TGFBR3: variants seen among roughly 807,000 people sequenced by gnomAD.
The protein encoded by TGFBR3 is transforming growth factor beta receptor 3.
Under a neutral mutation model 87.9 loss-of-function variants are expected in TGFBR3, and 46 were observed. The ratio of observed to expected loss-of-function variants is 0.52; its 90% CI spans 0.41 to 0.67. The LOEUF is 0.67. Among genes scored for constraint, TGFBR3 ranks in the 30% least tolerant of loss-of-function variants. The pLI is 0.00. For synonymous variants in TGFBR3, 381 were observed against 391.6 expected (o/e 0.97, Z 0.32); for missense variants, 866 against 1,041.9 (o/e 0.83, Z 2.32).
intron 1 of TGFBR3, among the ~76,000 whole-genome samples, chr1:91,868,213 C>T (rs1488810754): frequency 6.6e-6 from 1 of 152,168 alleles, no homozygotes; most frequent in Non-Finnish European, 1.5e-5. Context: ...CCACTGTGCT[C>T]GGCCCCACAC....
At chr1:91,729,720 G>T in intron 6 of TGFBR3, 85 bp downstream of exon 6, 1 of 1,515,776 alleles carries the variant, frequency 6.6e-7, no homozygotes. Context: ...GAGGGTGTAG[G>T]ACGGGCTACA....
At position 91,725,459 on chromosome 1, in the gene TGFBR3, T is replaced by C. The variant is rs115394694; in HGVS notation, c.885+2200A>G. ...TGCTAGGCATATATTATCTTATTTC[T>C]CTTCCAAAATATAAGGAGATAGGCA... On this transcript the variant is annotated intron_variant, in intron 7 of 16. Transcript: ENST00000212355. Among the ~76,000 whole-genome samples, 584 of 152,320 alleles carry C rather than the reference T, an allele frequency of 3.8e-3. 3 individuals are homozygous for C. The highest frequency in any genetic ancestry group is 0.013 in the African/African-American group (536 of 41,566).
chr1:91,900,678 A>C (rs1679694459), intron 1 of TGFBR3, among the ~76,000 whole-genome samples: 1 of 152,248 alleles, frequency 6.6e-6, no homozygotes, highest in Non-Finnish European at 1.5e-5. Context: ...TGCCAAAGGC[A>C]ACACTGACAG....
chr1:91,905,631 G>A (rs1394231320), intron 1 of TGFBR3, among the ~76,000 whole-genome samples: 30 of 151,688 alleles, frequency 2.0e-4, no homozygotes, highest in Admixed American at 1.8e-3. Context: ...ACGGGGTTTC[G>A]CTGATCCACC....
chr1:91,815,170 TGGGG>T (rs1676171528), intron 2 of TGFBR3, among the ~76,000 whole-genome samples: 1 of 151,984 alleles, frequency 6.6e-6, no homozygotes, highest in African/African-American at 2.4e-5. Flanking sequence ...AGCATGGTTG[TGGGG>T]GCCTGTAATC....
Position 91,886,062 on chromosome 1 carries a change from A to C in TGFBR3, c.-298T>G. ...AGGGAGCTCCGGGAATCGCGCAGGGAAAGTGGCCGGGGCGCGAGAGCCGCC... is the reference window on the plus strand; with the variant it reads ...AGGGAGCTCCGGGAATCGCGCAGGGCAAGTGGCCGGGGCGCGAGAGCCGCC... On this transcript the variant is annotated 5_prime_UTR_variant, in exon 1 of 17. Coordinates refer to ENST00000212355, the MANE Select transcript of TGFBR3 (RefSeq NM_003243.5). 1 of 453,956 alleles carries C rather than the reference A, an allele frequency of 2.2e-6. No individual in the cohort carries two copies. The highest frequency in any genetic ancestry group is 4.4e-6 in the Non-Finnish European group (1 of 226,738). 28.1% of individuals were successfully genotyped at this position (453,956 alleles called of 1,614,324 possible). A position where few individuals can be genotyped will look rare whatever the true frequency, so the allele number is the denominator to read the frequency against.
At chr1:91,684,048 T>C (rs1300967904) in intron 16 of TGFBR3, among the ~76,000 whole-genome samples, 191 bp from the exon 17 acceptor site, 1 of 152,220 alleles carries the variant, frequency 6.6e-6, no homozygotes, top group Non-Finnish European at 1.5e-5. Flanking sequence ...GTTGTTTTAT[T>C]TTTAAAGCAT....
chr1:91,785,553 C>T (rs1281918189), intron 3 of TGFBR3, among the ~76,000 whole-genome samples: 1 of 152,148 alleles, frequency 6.6e-6, no homozygotes, highest in Non-Finnish European at 1.5e-5. Context: ...AGAATTCAGT[C>T]CTGCCTAGCA....
intron 4 of TGFBR3, among the ~76,000 whole-genome samples, chr1:91,750,646 C>T (rs1673505080): frequency 6.6e-6 from 1 of 152,156 alleles, no homozygotes; most frequent in African/African-American, 2.4e-5. Flanking sequence ...GAAGAACCAC[C>T]AGCAATCTTG....
At chr1:91,778,705 T>A (rs566396014) in intron 3 of TGFBR3, among the ~76,000 whole-genome samples, 2 of 152,236 alleles carry the variant, frequency 1.3e-5, no homozygotes, top group Non-Finnish European at 2.9e-5. Context: ...CTGCTTACTA[T>A]GTAGTGGGCA....
chr1:91,716,481 C>T, intron 11 of TGFBR3, 87 bp from the exon 12 acceptor site: 1 of 1,613,822 alleles, frequency 6.2e-7, no homozygotes. Context: ...CTTTTAACAT[C>T]TGATTTTATT....
At chr1:91,878,786 T>C (rs959196172) in intron 1 of TGFBR3, among the ~76,000 whole-genome samples, 1 of 152,188 alleles carries the variant, frequency 6.6e-6, no homozygotes, top group Admixed American at 6.5e-5. Flanking sequence ...ACCAGAGAAA[T>C]GAATTATGTG....
At chr1:91,774,076 G>A (rs947738424) in intron 3 of TGFBR3, among the ~76,000 whole-genome samples, 6 of 152,070 alleles carry the variant, frequency 3.9e-5, no homozygotes, top group Non-Finnish European at 7.4e-5. Flanking sequence ...AAAATAGGAA[G>A]TGTTGACATG....
intron 3 of TGFBR3, among the ~76,000 whole-genome samples, chr1:91,787,127 T>TC (rs1303590822): frequency 6.6e-6 from 1 of 151,680 alleles, no homozygotes; most frequent in Non-Finnish European, 1.5e-5. Flanking sequence ...ATGGTGAAAC[T>TC]CCGTCTCTAC....
At chr1:91,756,859 TACA>T (rs1421722264) in intron 4 of TGFBR3, among the ~76,000 whole-genome samples, 3 of 152,218 alleles carry the variant, frequency 2.0e-5, no homozygotes, top group Non-Finnish European at 4.4e-5. Context: ...TTCTTCTCTA[TACA>T]ACATGTTTTT....
intron 10 of TGFBR3, among the ~76,000 whole-genome samples, chr1:91,717,860 C>T (rs1672226396): frequency 7.0e-6 from 1 of 143,642 alleles, no homozygotes; most frequent in Middle Eastern, 3.6e-3. Context: ...GCCTTTCTCT[C>T]CTGAAGCAAC....
At chr1:91,717,361 T>C (rs374328547) in intron 10 of TGFBR3, among the ~76,000 whole-genome samples, 4 of 152,226 alleles carry the variant, frequency 2.6e-5, no homozygotes, top group East Asian at 3.8e-4. Context: ...TCTTTCTCTA[T>C]GGTGTATGGA....
chr1:91,863,148 T>C (rs1352238379), intron 1 of TGFBR3, among the ~76,000 whole-genome samples: 2 of 152,172 alleles, frequency 1.3e-5, no homozygotes, highest in Non-Finnish European at 2.9e-5. Context: ...GGGTTTTGTA[T>C]TAATACCATG....
intron 5 of TGFBR3, among the ~76,000 whole-genome samples, 193 bp from the exon 6 acceptor site, chr1:91,730,166 A>C (rs557044723): frequency 1.0e-3 from 157 of 152,218 alleles, no homozygotes; most frequent in African/African-American, 3.3e-3. Context: ...GTGACCGCCT[A>C]TTGACTAGCC....
Sources: gnomAD v4.1 joint callset for allele counts (sites outside exome capture counted in the v4.1 genomes callset) on GRCh38, gnomAD v4.1.1 for gene constraint, MANE v1.5 for transcripts, NCBI Gene and HGNC (gene_info 2026-07-23, HGNC 2026-07-21) for gene names.